GPC5: variants seen among roughly 807,000 people sequenced by gnomAD.
The protein encoded by GPC5 is glypican-5.
A neutral mutation model predicts 53.9 loss-of-function variants in GPC5; 47 were observed. The ratio of observed to expected loss-of-function variants is 0.87; its 90% confidence interval spans 0.69 to 1.11. The LOEUF (loss-of-function observed/expected upper bound fraction) is 1.11. Ranked by LOEUF, GPC5 falls within the 50% of genes most tolerant of loss-of-function variation. GPC5 has a pLI of 0.00. For missense variants in GPC5, 748 were observed against 713.1 expected (o/e 1.05, Z -0.56); for synonymous variants, 286 against 263.3 (o/e 1.09, Z -0.84).
chr13:91,402,008 T>C (rs1449608651), intron 1 of GPC5, among the ~76,000 whole-genome samples: 2 of 152,346 alleles, frequency 1.3e-5, no homozygotes. Flanking sequence ...ACTGAAAGTG[T>C]CTTTTAAAGG....
chr13:91,662,789 A>G (rs1246904384), intron 2 of GPC5, among the ~76,000 whole-genome samples: 1 of 152,132 alleles, frequency 6.6e-6, no homozygotes, highest in African/African-American at 2.4e-5. Flanking sequence ...GCTTCCAAGG[A>G]ATGCTCCATT....
intron 6 of GPC5, among the ~76,000 whole-genome samples, chr13:92,112,041 A>G (rs1045557995): frequency 6.6e-6 from 1 of 152,216 alleles, no homozygotes; most frequent in African/African-American, 2.4e-5. Context: ...AGAGAAATCA[A>G]TGAAGGCAAT....
chr13:91,780,435 T>C (rs532928687), intron 5 of GPC5, among the ~76,000 whole-genome samples: 1 of 152,252 alleles, frequency 6.6e-6, no homozygotes, highest in South Asian at 2.1e-4. Flanking sequence ...TTGAACTTTT[T>C]ATTATATTTT....
chr13:91,575,837 A>T (rs1338184228), intron 2 of GPC5, among the ~76,000 whole-genome samples: 6 of 152,158 alleles, frequency 3.9e-5, no homozygotes, highest in Non-Finnish European at 8.8e-5. Context: ...CATTTAAAAA[A>T]CTTTTTATAC....
intron 7 of GPC5, among the ~76,000 whole-genome samples, chr13:92,212,166 A>G (rs2042380033): frequency 6.6e-6 from 1 of 152,074 alleles, no homozygotes; most frequent in African/African-American, 2.4e-5. Flanking sequence ...GATGCCATGC[A>G]GTTAGACAGG....
chr13:92,081,248 C>T (rs568935209), intron 6 of GPC5, among the ~76,000 whole-genome samples: 11 of 152,116 alleles, frequency 7.2e-5, no homozygotes, highest in Admixed American at 2.0e-4. Context: ...ATTACAGGCA[C>T]GCAGCACCAT....
chr13:92,576,933 T>G (rs756546422), intron 7 of GPC5, among the ~76,000 whole-genome samples: 4 of 152,218 alleles, frequency 2.6e-5, no homozygotes, highest in Non-Finnish European at 5.9e-5. Flanking sequence ...CAACTGTATC[T>G]TAATCTTCTT....
chr13:91,913,951 A>G (rs1457908211), intron 6 of GPC5, among the ~76,000 whole-genome samples: 1 of 152,214 alleles, frequency 6.6e-6, no homozygotes, highest in Non-Finnish European at 1.5e-5. Context: ...GCCCTTTAAT[A>G]TTATAGATTG....
chr13:91,961,346 T>C (rs1259027938), intron 6 of GPC5, among the ~76,000 whole-genome samples: 2 of 151,888 alleles, frequency 1.3e-5, no homozygotes, highest in South Asian at 2.1e-4. Context: ...AGTGAAAGGA[T>C]AGACAAATAG....
chr13:92,297,918 G>C (rs2043048858), intron 7 of GPC5, among the ~76,000 whole-genome samples: 1 of 152,060 alleles, frequency 6.6e-6, no homozygotes, highest in Non-Finnish European at 1.5e-5. Flanking sequence ...AGCCCAGCGA[G>C]AACACGAGCC....
intron 5 of GPC5, among the ~76,000 whole-genome samples, chr13:91,864,999 G>C (rs1443315191): frequency 6.6e-6 from 1 of 151,530 alleles, no homozygotes; most frequent in East Asian, 1.9e-4. Context: ...CTGCCTCCCA[G>C]GTTCAAGCGA....
intron 5 of GPC5, among the ~76,000 whole-genome samples, chr13:91,871,670 G>A (rs909177883): frequency 4.0e-5 from 6 of 151,584 alleles, no homozygotes; most frequent in Non-Finnish European, 8.8e-5. Flanking sequence ...ATTGGTATTA[G>A]TACAGTCTTA....
chr13:91,759,469 C>G (rs902853576), intron 5 of GPC5, among the ~76,000 whole-genome samples: 1 of 152,004 alleles, frequency 6.6e-6, no homozygotes, highest in Non-Finnish European at 1.5e-5. Flanking sequence ...CTAGATTTTA[C>G]TCATTCTGTC....
At chr13:92,863,134 G>A (rs1030379980) in intron 7 of GPC5, among the ~76,000 whole-genome samples, 1 of 152,138 alleles carries the variant, frequency 6.6e-6, no homozygotes, top group Non-Finnish European at 1.5e-5. Context: ...GCACTTTGTA[G>A]GTAACATAAT....
intron 7 of GPC5, among the ~76,000 whole-genome samples, chr13:92,303,507 C>T (rs965582314): frequency 1.3e-5 from 2 of 151,810 alleles, no homozygotes; most frequent in African/African-American, 4.8e-5. Context: ...AAGACACATA[C>T]ATCTCTGTGG....
intron 4 of GPC5, among the ~76,000 whole-genome samples, chr13:91,753,172 A>G (rs2037216208): frequency 6.6e-6 from 1 of 152,238 alleles, no homozygotes; most frequent in Admixed American, 6.5e-5. Context: ...TCTGGACCGT[A>G]GAGACAGTTA....
At chr13:91,873,978 G>A (rs1207386838) in intron 5 of GPC5, among the ~76,000 whole-genome samples, 1 of 152,180 alleles carries the variant, frequency 6.6e-6, no homozygotes, top group Non-Finnish European at 1.5e-5. Context: ...CACATGCCCA[G>A]CCTGGGGCAA....
chr13:92,682,725 A>G (rs1887146690), intron 7 of GPC5, among the ~76,000 whole-genome samples: 1 of 152,218 alleles, frequency 6.6e-6, no homozygotes, highest in Admixed American at 6.5e-5. Flanking sequence ...AATTTATCGG[A>G]CACGGGTTGT....
At chr13:91,890,931 T>G (rs1299215127) in intron 5 of GPC5, among the ~76,000 whole-genome samples, 2 of 152,168 alleles carry the variant, frequency 1.3e-5, no homozygotes, top group African/African-American at 4.8e-5. Context: ...TTATCCTAGT[T>G]TGCACTTTGA....
Sources: allele counts gnomAD v4.1 joint callset (sites outside exome capture counted in the v4.1 genomes callset), GRCh38; gene constraint gnomAD v4.1.1; transcripts MANE v1.5; gene names NCBI Gene and HGNC (gene_info 2026-07-23, HGNC 2026-07-21).